The following CAMSAP3 variants were observed in gnomAD, a reference collection of about 807,000 sequenced individuals.
The protein encoded by CAMSAP3 is calmodulin-regulated spectrin-associated protein 3.
A neutral mutation model predicts 112.5 loss-of-function variants in CAMSAP3; 34 were observed. The observed-to-expected ratio is 0.30, with a 90% CI of 0.23 to 0.40. CAMSAP3 has a LOEUF of 0.40. CAMSAP3 is among the 10% of genes least tolerant of loss of function. The pLI, the probability that CAMSAP3 is intolerant of heterozygous loss-of-function variation, is 1.00. For missense variants in CAMSAP3, 1,602 were observed against 1,770.3 expected (o/e 0.90, Z 1.71); for synonymous variants, 868 against 799.8 (o/e 1.09, Z -1.44).
chr19:7,611,255 C>T lies in CAMSAP3; in HGVS notation c.1123+87C>T. ...GGGCCTCATGTTGTCTCCTCGTGAGCCTTCCAATAGCCTCTCCATCAGATC... is the reference window on the plus strand; with the variant it reads ...GGGCCTCATGTTGTCTCCTCGTGAGTCTTCCAATAGCCTCTCCATCAGATC... On this transcript the variant is annotated intron_variant, in intron 9 of 16. Transcript: ENST00000160298. This position sits in a 1 kb window ranked among gnomAD's most constrained non-coding sequence, Gnocchi z 6.9. 1 of 1,334,188 alleles carries T rather than the reference C, an allele frequency of 7.5e-7. No individual in the cohort carries two copies. The allele number at this position is 1,334,188 out of a possible 1,614,324, so 82.6% of individuals were successfully genotyped here. A position where few individuals can be genotyped will look rare whatever the true frequency, so the allele number is the denominator to read the frequency against.
In CAMSAP3 at chr19:7,611,465, C is replaced by G; in HGVS notation, c.1124-52C>G. 2 of 1,527,428 alleles carry G rather than the reference C, an allele frequency of 1.3e-6. No individual in the cohort carries two copies. The highest frequency in any genetic ancestry group is 2.5e-5 in the South Asian group (2 of 79,904). The allele number at this position is 1,527,428 out of a possible 1,614,324, so 94.6% of individuals were successfully genotyped here. A position where few individuals can be genotyped will look rare whatever the true frequency, so the allele number is the denominator to read the frequency against. On this transcript the variant is annotated intron_variant, in intron 9 of 16. Coordinates refer to ENST00000160298, the MANE Select transcript of CAMSAP3 (RefSeq NM_020902.2). The surrounding 1 kb of genome is among the most constrained non-coding windows in gnomAD (Gnocchi z 6.9). ...AGGTTGTCCCCAGATGCTGGCTGAC[C>G]CCACTCAGGGTTCCCAGGGTCCCCA...
chr19:7,606,647 A>G (rs937816520), intron 4 of CAMSAP3, 76 bp downstream of exon 4: 1 of 1,533,524 alleles, frequency 6.5e-7, no homozygotes, highest in African/African-American at 1.4e-5. Flanking sequence ...CTTCCTGGAC[A>G]CTCCTGAAGT....
At position 7,605,488 on chromosome 19, in the gene CAMSAP3, C is replaced by CG; in HGVS notation, c.402+10dup. 6.9e-7 allele frequency: 1 copy of CG among 1,453,374 alleles called. No individual in the cohort carries two copies. The highest frequency in any genetic ancestry group is 2.6e-5 in the East Asian group (1 of 38,260). 90.0% of individuals were successfully genotyped at this position (1,453,374 alleles called of 1,614,324 possible). A position where few individuals can be genotyped will look rare whatever the true frequency, so the allele number is the denominator to read the frequency against. ...ACCAGCCCATTCTCATGGTAGGCCC[C>CG]GCCACTGCCTGTTAGACCACGCCTA... On this transcript the variant is annotated intron_variant, in intron 2 of 16. Transcript: ENST00000160298.
chr19:7,605,847 A>C (rs1599349788), intron 2 of CAMSAP3, among the ~76,000 whole-genome samples: 1 of 120,060 alleles, frequency 8.3e-6, no homozygotes, highest in African/African-American at 3.3e-5. Flanking sequence ...TGTCCATCAA[A>C]CCTAGCTCCT....
At chr19:7,616,720 C>G (rs1277335713) in intron 14 of CAMSAP3, 98 bp downstream of exon 14, 1 of 851,972 alleles carries the variant, frequency 1.2e-6, no homozygotes, top group Non-Finnish European at 1.9e-6. Context: ...GGCGGTATGG[C>G]TCGAGTTTAT....
At chr19:7,608,104 C>A in intron 4 of CAMSAP3, 22 bp from the exon 5 acceptor site, 1 of 1,606,596 alleles carries the variant, frequency 6.2e-7, no homozygotes, top group Non-Finnish European at 8.5e-7. Context: ...GGCCACTCAC[C>A]TGACCTGGCT....
chr19:7,610,669 C>A lies in CAMSAP3; in HGVS notation c.901-31C>A. The A allele has an allele frequency of 6.2e-7, 1 of 1,613,850 alleles. No homozygotes were observed. Among genetic ancestry groups the A allele is most frequent in the Non-Finnish European group, 8.5e-7 (1 of 1,179,964 alleles). On this transcript the variant is annotated intron_variant, in intron 6 of 16. Coordinates refer to ENST00000160298, the MANE Select transcript of CAMSAP3 (RefSeq NM_020902.2). The surrounding 1 kb of genome is among the most constrained non-coding windows in gnomAD (Gnocchi z 4.9). ...GAGGCGGGCATCTGGGGCCAGGGGT[C>A]CCGTCTGCTGACCCGGCCTCCCACC...
In CAMSAP3 at chr19:7,615,739, G is replaced by T; in HGVS notation, c.3112+20G>T. The T allele has an allele frequency of 7.2e-7, 1 of 1,387,634 alleles. No individual in the cohort carries two copies. The highest frequency in any genetic ancestry group is 9.3e-7 in the Non-Finnish European group (1 of 1,077,258). The allele number at this position is 1,387,634 out of a possible 1,614,324, so 86.0% of individuals were successfully genotyped here. ...TGCTGGGTGAGGACCCTTGGGGGAC[G>T]GGGCCTGCCCAGTGCCCTTTCCGGG... On this transcript the variant is annotated intron_variant, in intron 13 of 16. Transcript: ENST00000160298. The surrounding 1 kb of genome is among the most constrained non-coding windows in gnomAD (Gnocchi z 6.5).
chr19:7,611,316 C>T lies in CAMSAP3; in HGVS notation c.1123+148C>T, dbSNP rs904839160. Reference sequence around the variant, plus strand: ...ATCCCAAAGTGACCCCCAGAATGGCCTCCCCAGTGGCCCCACAGTACCCCG... The same window carrying T: ...ATCCCAAAGTGACCCCCAGAATGGCTTCCCCAGTGGCCCCACAGTACCCCG... On this transcript the variant is annotated intron_variant, in intron 9 of 16. Coordinates refer to ENST00000160298, the MANE Select transcript of CAMSAP3 (RefSeq NM_020902.2). The surrounding 1 kb of genome is among the most constrained non-coding windows in gnomAD (Gnocchi z 6.9). 3.3e-6 allele frequency: 3 copies of T among 916,604 alleles called. No homozygotes were observed. Among genetic ancestry groups the T allele is most frequent in the Admixed American group, 2.3e-5 (1 of 43,272 alleles). 56.8% of individuals were successfully genotyped at this position (916,604 alleles called of 1,614,324 possible). A position where few individuals can be genotyped will look rare whatever the true frequency, so the allele number is the denominator to read the frequency against.
At chr19:7,606,737 C>G in intron 4 of CAMSAP3, 166 bp downstream of exon 4, 1 of 1,613,432 alleles carries the variant, frequency 6.2e-7, no homozygotes, top group Non-Finnish European at 8.5e-7. Flanking sequence ...GTCCCCTGTG[C>G]CGGTACCCGC....
chr19:7,605,291 C>T lies in CAMSAP3; in HGVS notation c.214C>T (p.Pro72Ser). 2 of 1,610,226 alleles carry T rather than the reference C, an allele frequency of 1.2e-6. No individual in the cohort carries two copies. Among genetic ancestry groups the T allele is most frequent in the Non-Finnish European group, 1.7e-6 (2 of 1,178,184 alleles). ...CCAGTACGCGCAGGAGCATGTGAAG[C>T]CCCCGGTGACACGGCTGCTGCTCTC... ...TDQYAQEHVK[P>S]PVTRLLLSAE... Residue 72 changes from proline to serine, a missense_variant, in exon 2 of 17, where the codon CCC (proline) becomes TCC (serine). By Grantham distance (74) the Pro-to-Ser change is moderately conservative (BLOSUM62 -1). Coordinates refer to ENST00000160298, the MANE Select transcript of CAMSAP3 (RefSeq NM_020902.2).
rs1426968573 is a variant in CAMSAP3 at position 7,611,263 on chromosome 19, T to A, written c.1123+95T>A. On this transcript the variant is annotated intron_variant, in intron 9 of 16. Transcript: ENST00000160298. The surrounding 1 kb of genome is among the most constrained non-coding windows in gnomAD (Gnocchi z 6.9). Reference sequence around the variant, plus strand: ...TGTTGTCTCCTCGTGAGCCTTCCAATAGCCTCTCCATCAGATCCCCCTTGG... The same window carrying A: ...TGTTGTCTCCTCGTGAGCCTTCCAAAAGCCTCTCCATCAGATCCCCCTTGG... The A allele has an allele frequency of 7.1e-6, 9 of 1,260,204 alleles. No homozygotes were observed. In the East Asian group the frequency reaches 1.4e-4, roughly 20 times the overall value. 78.1% of individuals were successfully genotyped at this position (1,260,204 alleles called of 1,614,324 possible). A position where few individuals can be genotyped will look rare whatever the true frequency, so the allele number is the denominator to read the frequency against.
rs2030916241 is a variant in CAMSAP3 at position 7,618,154 on chromosome 19, A to G, written c.*97A>G. Reference sequence around the variant, plus strand: ...TATTCCTGGGTCCTGTCTGTCCCCAACCGTGTCTGGGTGGGGCTGGAGTCT... The same window carrying G: ...TATTCCTGGGTCCTGTCTGTCCCCAGCCGTGTCTGGGTGGGGCTGGAGTCT... On this transcript the variant is annotated 3_prime_UTR_variant, in exon 17 of 17. Coordinates refer to ENST00000160298, the MANE Select transcript of CAMSAP3 (RefSeq NM_020902.2). 6.6e-6 allele frequency: 9 copies of G among 1,362,822 alleles called. No homozygotes were observed. The highest frequency in any genetic ancestry group is 2.1e-5 in the Admixed American group (1 of 46,990). 84.4% of individuals were successfully genotyped at this position (1,362,822 alleles called of 1,614,324 possible).
chr19:7,599,554 TCATC>T (rs543900596), intron 1 of CAMSAP3, among the ~76,000 whole-genome samples: 5,737 of 27,618 alleles, frequency 0.21, 1,360 homozygotes, highest in Middle Eastern at 0.35. Context: ...ACCCATTCAT[TCATC>T]CATCCATCCA....
In CAMSAP3 at chr19:7,615,497, G is replaced by T; in HGVS notation, c.2890G>T (p.Ala964Ser). Residue 964 changes from alanine to serine, a missense_variant, in exon 13 of 17, where the codon GCT (alanine) becomes TCT (serine). Around this residue, in one of 6 missense-constraint regions of CAMSAP3, gnomAD observed 1,100 missense variants for 1,135.7 expected, o/e 0.97. Coordinates refer to ENST00000160298, the MANE Select transcript of CAMSAP3 (RefSeq NM_020902.2). The surrounding 1 kb of genome is among the most constrained non-coding windows in gnomAD (Gnocchi z 6.5). ...PMATPAPAARAPAEEEVGPRK... is the reference protein window; with the variant it reads ...PMATPAPAARSPAEEEVGPRK... ...GGCGACTCCAGCCCCTGCTGCCCGG[G>T]CTCCAGCCGAGGAGGAGGTGGGCCC... 6.5e-7 allele frequency: 1 copy of T among 1,540,126 alleles called. No homozygotes were observed.
Position 7,607,968 on chromosome 19 carries a change from C to A in CAMSAP3, c.622-158C>A. ...CATCTCCTCTGCCTCTTGCTGCTGC[C>A]CCTCCCCTGCTCCAGGCTGGCCCCC... On this transcript the variant is annotated intron_variant, in intron 4 of 16. Transcript: ENST00000160298. This position sits in a 1 kb window ranked among gnomAD's most constrained non-coding sequence, Gnocchi z 4.9. 1 of 905,886 alleles carries A rather than the reference C, an allele frequency of 1.1e-6. No homozygotes were observed. The highest frequency in any genetic ancestry group is 1.8e-6 in the Non-Finnish European group (1 of 571,030). The allele number at this position is 905,886 out of a possible 1,614,324, so 56.1% of individuals were successfully genotyped here. A position where few individuals can be genotyped will look rare whatever the true frequency, so the allele number is the denominator to read the frequency against.
rs559480154 is a variant in CAMSAP3, at chr19:7,616,947, T to TGTTTTG, written c.3212+325_3212+326insGTTTTG. Among the ~76,000 whole-genome samples the TGTTTTG allele has an allele frequency of 2.1e-3, 235 of 112,392 alleles. 1 individual carries two copies. The highest frequency in any genetic ancestry group is 4.5e-3 in the Admixed American group (52 of 11,612). 73.7% of individuals were successfully genotyped at this position (112,392 alleles called of 152,430 possible). A position where few individuals can be genotyped will look rare whatever the true frequency, so the allele number is the denominator to read the frequency against. ...TGTGTGGCCCGCCTTTTTTTTTTTT[T>TGTTTTG]TTTTTTTTTTTGTTTTTTTGAGAGG... is the stretch of plus-strand genomic sequence containing the variant. On this transcript the variant is annotated intron_variant, in intron 14 of 16. Coordinates refer to ENST00000160298, the MANE Select transcript of CAMSAP3 (RefSeq NM_020902.2).
rs759282233 is a variant in CAMSAP3, at chr19:7,612,401, C to A, written c.1908C>A (p.Ala636=). Residue 636 remains alanine, a synonymous_variant, in exon 11 of 17, where the codon GCC becomes GCA. Coordinates refer to ENST00000160298, the MANE Select transcript of CAMSAP3 (RefSeq NM_020902.2). ...AKHRQRLGKS[A]FLQVQPREAS... ...ACCGCCAGCGGCTGGGCAAAAGCGC[C>A]TTCCTGCAGGTGCAGCCGCGGGAAG... 2 of 1,596,206 alleles carry A rather than the reference C, an allele frequency of 1.3e-6. No individual in the cohort carries two copies. The highest frequency in any genetic ancestry group is 2.7e-5 in the African/African-American group (2 of 74,600).
In CAMSAP3 at chr19:7,617,581, A is replaced by G; in HGVS notation, c.3364A>G (p.Lys1122Glu). Reference sequence around the variant, plus strand: ...CAAAGAACCCAGCGCCAAGTCCAACAAGTTCATCATCCACAATGCCCTATC... The same window carrying G: ...CAAAGAACCCAGCGCCAAGTCCAACGAGTTCATCATCCACAATGCCCTATC... ...LYKEPSAKSN[K>E]FIIHNALSHC... Residue 1122 changes from lysine to glutamate, a missense_variant, in exon 16 of 17, where the codon AAG becomes GAG. By Grantham distance (56) the Lys-to-Glu change is moderately conservative. Transcript: ENST00000160298. This position sits in a 1 kb window ranked among gnomAD's most constrained non-coding sequence, Gnocchi z 7.5. 6.2e-7 allele frequency: 1 copy of G among 1,614,048 alleles called. No homozygotes were observed. Among genetic ancestry groups the G allele is most frequent in the Non-Finnish European group, 8.5e-7 (1 of 1,179,984 alleles).
Sources: gnomAD v4.1 joint callset for allele counts (sites outside exome capture counted in the v4.1 genomes callset) on GRCh38, gnomAD v4.1.1 for gene constraint, gnomAD v4.1.1 regional missense constraint, Gnocchi (gnomAD v3.1) non-coding constraint, MANE v1.5 for transcripts, NCBI Gene and HGNC (gene_info 2026-07-23, HGNC 2026-07-21) for gene names.